The following MGAT4C variants were observed in gnomAD, a reference collection of about 807,000 sequenced individuals.
MGAT4C encodes the protein MGAT4 family member C, also known as alpha-1,3-mannosyl-glycoprotein 4-beta-N-acetylglucosaminyltransferase C.
MGAT4C carries 19 observed loss-of-function variants against 40.1 expected under a neutral mutation model. That is an observed-to-expected ratio of 0.47 (90% CI 0.33 to 0.70). The LOEUF is 0.70. Ranked by LOEUF, MGAT4C falls within the 30% of genes least tolerant of loss-of-function variation. MGAT4C has a pLI of 0.02. For synonymous variants in MGAT4C, 181 were observed against 187.1 expected (o/e 0.97, Z 0.27); for missense variants, 491 against 563.2 (o/e 0.87, Z 1.30).
At chr12:86,603,624 G>T in intron 2 of MGAT4C, among the ~76,000 whole-genome samples, 1 of 120,352 alleles carries the variant, frequency 8.3e-6, no homozygotes, top group Non-Finnish European at 1.6e-5. Context: ...ATATTATATA[G>T]TCTATAGACT....
At chr12:86,812,423 G>GT (rs1952496994) in intron 1 of MGAT4C, among the ~76,000 whole-genome samples, 1 of 151,896 alleles carries the variant, frequency 6.6e-6, no homozygotes, top group South Asian at 2.1e-4. Flanking sequence ...TTGTGGATTT[G>GT]TTTTTTACTT....
intron 1 of MGAT4C, among the ~76,000 whole-genome samples, chr12:86,132,665 G>A (rs1408205751): frequency 6.6e-6 from 1 of 151,958 alleles, no homozygotes; most frequent in African/African-American, 2.4e-5. Flanking sequence ...GGTGGCGGAT[G>A]CCTGTAGTCC....
chr12:86,137,050 G>C (rs1882070290), intron 1 of MGAT4C, among the ~76,000 whole-genome samples: 2 of 152,072 alleles, frequency 1.3e-5, no homozygotes, highest in South Asian at 2.1e-4. Flanking sequence ...CTGGTGTCCT[G>C]AGCTCCATTA....
intron 3 of MGAT4C, among the ~76,000 whole-genome samples, chr12:86,406,466 A>G (rs1956476738): frequency 6.6e-6 from 1 of 152,106 alleles, no homozygotes; most frequent in Non-Finnish European, 1.5e-5. Flanking sequence ...TTATATGCAA[A>G]TCGCAAGTAA....
intron 2 of MGAT4C, among the ~76,000 whole-genome samples, chr12:86,012,774 CAACA>C: frequency 8.4e-6 from 1 of 118,804 alleles, no homozygotes; most frequent in African/African-American, 3.0e-5. Flanking sequence ...ACAACAACAA[CAACA>C]ACCACCACCA....
intron 1 of MGAT4C, among the ~76,000 whole-genome samples, chr12:86,175,984 A>G (rs908426605): frequency 6.6e-6 from 1 of 152,024 alleles, no homozygotes; most frequent in Non-Finnish European, 1.5e-5. Context: ...CAAACAAAGA[A>G]AAACAAATAA....
At chr12:85,990,071 G>A (rs991925829) in intron 2 of MGAT4C, among the ~76,000 whole-genome samples, 2 of 152,032 alleles carry the variant, frequency 1.3e-5, no homozygotes, top group African/African-American at 4.8e-5. Flanking sequence ...AGGCTGTGGG[G>A]TAAATCCAAA....
chr12:86,433,342 GTA>G (rs1175183059), intron 3 of MGAT4C, among the ~76,000 whole-genome samples: 4 of 104,072 alleles, frequency 3.8e-5, no homozygotes, highest in Admixed American at 1.0e-4. Flanking sequence ...ACACACACGT[GTA>G]TGTGTGTGTG....
chr12:86,457,878 T>G (rs753061173), intron 2 of MGAT4C, among the ~76,000 whole-genome samples: 33 of 152,076 alleles, frequency 2.2e-4, no homozygotes, highest in Non-Finnish European at 4.0e-4. Flanking sequence ...CTCTCTAACT[T>G]CATGTGCTTC....
intron 1 of MGAT4C, among the ~76,000 whole-genome samples, chr12:86,121,568 C>T (rs1196414133): frequency 1.3e-5 from 2 of 152,170 alleles, no homozygotes; most frequent in Non-Finnish European, 2.9e-5. Context: ...CTCCACAAGC[C>T]AGAAGAGAGT....
intron 4 of MGAT4C, among the ~76,000 whole-genome samples, chr12:86,307,583 A>G (rs1953967651): frequency 6.6e-6 from 1 of 150,626 alleles, no homozygotes; most frequent in Non-Finnish European, 1.5e-5. Flanking sequence ...TATTAAATAG[A>G]GGAAGGTCAC....
intron 2 of MGAT4C, among the ~76,000 whole-genome samples, chr12:86,464,068 T>C (rs1957641377): frequency 2.0e-5 from 3 of 152,200 alleles, no homozygotes; most frequent in Admixed American, 6.5e-5. Flanking sequence ...CTTTTTAAGT[T>C]TGGTTGATAA....
At chr12:86,275,445 C>A (rs1953051218) in intron 4 of MGAT4C, among the ~76,000 whole-genome samples, 1 of 152,122 alleles carries the variant, frequency 6.6e-6, no homozygotes, top group Admixed American at 6.5e-5. Context: ...CAATGCCCAG[C>A]TGTTGTAGTT....
rs73393093 is a variant in MGAT4C at position 86,585,040 on chromosome 12, C to A, written c.-229+142169G>T. 3.3e-3 allele frequency among the ~76,000 whole-genome samples: 498 copies of A among 151,212 alleles called. 2 individuals are homozygous for A. The highest frequency in any genetic ancestry group is 0.012 in the African/African-American group (485 of 41,390). ...GAATGACATTAGAGTATGGTTCAAC[C>A]ATTATTTTATCTCAGTCTATTATTT... On this transcript the variant is annotated intron_variant, in intron 2 of 7. Transcript: ENST00000548651.
intron 3 of MGAT4C, among the ~76,000 whole-genome samples, chr12:86,425,033 G>A (rs1188978497): frequency 6.6e-6 from 1 of 152,150 alleles, no homozygotes; most frequent in Non-Finnish European, 1.5e-5. Context: ...TGTGATAACA[G>A]CCGTGAGTCA....
chr12:86,758,427 GCAC>G (rs1951344958), intron 1 of MGAT4C, among the ~76,000 whole-genome samples: 1 of 146,776 alleles, frequency 6.8e-6, no homozygotes, highest in South Asian at 2.1e-4. Flanking sequence ...TATTTACTTA[GCAC>G]AATTCTTAGG....
At chr12:86,492,679 A>C (rs1048234178) in intron 2 of MGAT4C, among the ~76,000 whole-genome samples, 62 of 152,314 alleles carry the variant, frequency 4.1e-4, no homozygotes, top group East Asian at 2.5e-3. Flanking sequence ...CGTTAGACCT[A>C]AAACCATAAA....
At position 86,622,099 on chromosome 12, in the gene MGAT4C, G is replaced by A. The variant is rs1962656867; in HGVS notation, c.-229+105110C>T. On this transcript the variant is annotated intron_variant, in intron 2 of 7. Transcript: ENST00000548651. ...TTAGCTGCAATGTTTGGTAGTTTAGGTGTATTGAATACATTTTTATTTTAC... is the reference window on the plus strand; with the variant it reads ...TTAGCTGCAATGTTTGGTAGTTTAGATGTATTGAATACATTTTTATTTTAC... Among the ~76,000 whole-genome samples, 3 of 152,130 alleles carry A rather than the reference G, an allele frequency of 2.0e-5. 1 individual carries two copies. In the South Asian group the frequency reaches 6.2e-4, roughly 31 times the overall value.
intron 1 of MGAT4C, among the ~76,000 whole-genome samples, chr12:86,789,192 C>T (rs1172787735): frequency 2.0e-5 from 3 of 152,100 alleles, no homozygotes; most frequent in African/African-American, 4.8e-5. Context: ...AATAACTTTG[C>T]TACTAATAAT....
Sources: allele counts gnomAD v4.1 joint callset (sites outside exome capture counted in the v4.1 genomes callset), GRCh38; gene constraint gnomAD v4.1.1; transcripts MANE v1.5; gene names NCBI Gene and HGNC (gene_info 2026-07-23, HGNC 2026-07-21).